Variants in AGPS observed in about 807,000 individuals in gnomAD.
AGPS encodes alkylglycerone phosphate synthase, also known as alkyldihydroxyacetonephosphate synthase, peroxisomal.
Under a neutral mutation model 90.7 loss-of-function variants are expected in AGPS, and 26 were observed. The observed-to-expected ratio is 0.29, with a 90% CI of 0.21 to 0.40. The LOEUF is 0.40. Among genes scored for constraint, AGPS ranks in the 10% least tolerant of loss-of-function variants. The probability of loss-of-function intolerance (pLI) is 1.00; values close to 1 mark genes in which losing one functional copy is unlikely to be tolerated. For synonymous variants in AGPS, 294 were observed against 285.3 expected, an observed-to-expected ratio of 1.03 and a Z score of -0.31; for missense variants, 540 against 816.1, an observed-to-expected ratio of 0.66 and a Z score of 4.12.
At chr2:177,508,407 G>C (rs1688771585) in intron 16 of AGPS, among the ~76,000 whole-genome samples, 1 of 152,106 alleles carries the variant, frequency 6.6e-6, no homozygotes, top group African/African-American at 2.4e-5. Context: ...CCAGTTAACT[G>C]TCCTTTATAA....
chr2:177,484,356 T>A (rs1206938615), intron 11 of AGPS, among the ~76,000 whole-genome samples: 1 of 152,072 alleles, frequency 6.6e-6, no homozygotes, highest in Non-Finnish European at 1.5e-5. Context: ...TTTTGTTTGT[T>A]TTTTTAAGAT....
chr2:177,434,268 A>G lies in AGPS; in HGVS notation c.351-59A>G. The G allele has an allele frequency of 3.1e-6, 4 of 1,274,518 alleles. No homozygotes were observed. The South Asian group carries it at 5.0e-5, about 16-fold the overall frequency. The allele number at this position is 1,274,518 out of a possible 1,614,324, so 79.0% of individuals were successfully genotyped here. The stretch of plus-strand genomic sequence containing the variant: ...TGACCATCACTGGAAGCAGAATTTA[A>G]GCTTTAAATTTAAATGAAGATACTT... On this transcript the variant is annotated intron_variant, in intron 2 of 19. Transcript: ENST00000264167.
intron 8 of AGPS, among the ~76,000 whole-genome samples, chr2:177,452,018 A>G (rs929777607): frequency 1.3e-5 from 2 of 151,976 alleles, no homozygotes; most frequent in African/African-American, 4.8e-5. Flanking sequence ...ATTGATTTCT[A>G]TATTAATTTT....
chr2:177,414,212 T>C (rs562194528), intron 1 of AGPS, among the ~76,000 whole-genome samples: 1 of 152,182 alleles, frequency 6.6e-6, no homozygotes, highest in South Asian at 2.1e-4. Flanking sequence ...AAGGTTTCTT[T>C]CTTTTCTTTT....
At chr2:177,436,933 T>A (rs767870333) in intron 4 of AGPS, 47 bp from the exon 5 acceptor site, 52 of 1,610,780 alleles carry the variant, frequency 3.2e-5, no homozygotes, top group South Asian at 2.3e-4. Context: ...AAAAATTCTA[T>A]ATTTTAAGCT....
intron 9 of AGPS, among the ~76,000 whole-genome samples, chr2:177,464,555 G>A (rs1687392937): frequency 6.6e-6 from 1 of 152,234 alleles, no homozygotes; most frequent in African/African-American, 2.4e-5. Flanking sequence ...TCAGAAGTCT[G>A]TGTACAATGG....
chr2:177,427,145 A>T (rs10930790), intron 2 of AGPS, among the ~76,000 whole-genome samples: 1 of 152,238 alleles, frequency 6.6e-6, no homozygotes, highest in Admixed American at 6.5e-5. Context: ...GTTCATGTGC[A>T]TAGAGATGTT....
Position 177,539,815 on chromosome 2 carries a change from A to G in AGPS, c.*1620A>G, listed in dbSNP as rs2079216373. 1 of 151,826 alleles carries G rather than the reference A, an allele frequency of 6.6e-6. No individual in the cohort carries two copies. The highest frequency in any genetic ancestry group is 6.6e-5 in the Admixed American group (1 of 15,208). The allele number at this position is 151,826 out of a possible 1,614,324, so 9.4% of individuals were successfully genotyped here. ...CAAAATGAAATATTTATTTTTTAGA[A>G]GCTGCCTCTCTTCATTGGTCATTTA... On this transcript the variant is annotated 3_prime_UTR_variant, in exon 20 of 20. Coordinates refer to ENST00000264167, the MANE Select transcript of AGPS (RefSeq NM_003659.4).
At chr2:177,514,633 A>G (rs1331820313) in intron 17 of AGPS, among the ~76,000 whole-genome samples, 1 of 152,104 alleles carries the variant, frequency 6.6e-6, no homozygotes, top group Admixed American at 6.6e-5. Context: ...TGCTAATTGT[A>G]TGTGTGTGTG....
At chr2:177,489,466 A>G (rs1688188715) in intron 11 of AGPS, among the ~76,000 whole-genome samples, 1 of 152,182 alleles carries the variant, frequency 6.6e-6, no homozygotes, top group Non-Finnish European at 1.5e-5. Flanking sequence ...AGTAAATAAG[A>G]CTAATCAGAA....
At chr2:177,455,903 C>A (rs1019998158) in intron 8 of AGPS, among the ~76,000 whole-genome samples, 2 of 152,088 alleles carry the variant, frequency 1.3e-5, no homozygotes, top group South Asian at 4.2e-4. Context: ...TTTGTTGTTT[C>A]AGTATTGAAT....
At chr2:177,499,797 AT>A in intron 14 of AGPS, 67 bp downstream of exon 14, 1 of 1,051,154 alleles carries the variant, frequency 9.5e-7, no homozygotes, top group Non-Finnish European at 1.5e-6. Flanking sequence ...TCACCAAGCA[AT>A]TATTAAAGTA....
chr2:177,434,382 C>T lies in AGPS; in HGVS notation c.406C>T (p.Leu136Phe). Residue 136 changes from leucine to phenylalanine, a missense_variant, in exon 3 of 20, where the codon CTT (leucine) becomes TTT (phenylalanine). By Grantham distance (22) the Leu-to-Phe change is conservative (BLOSUM62 0). Around this residue, in one of 2 missense-constraint regions of AGPS, gnomAD observed 405 missense variants for 692.1 expected, o/e 0.59. Coordinates refer to ENST00000264167, the MANE Select transcript of AGPS (RefSeq NM_003659.4). ...PTFKEWIQNT[L>F]GVNVEHKTTS... is the part of the protein sequence containing the mutation. ...ATTTAAAGAATGGATCCAAAATACCCTTGGAGTAAATGTGGAGCATAAAAC... is the reference window on the plus strand; with the variant it reads ...ATTTAAAGAATGGATCCAAAATACCTTTGGAGTAAATGTGGAGCATAAAAC... 6.2e-7 allele frequency: 1 copy of T among 1,612,940 alleles called. No homozygotes were observed. Among genetic ancestry groups the T allele is most frequent in the Non-Finnish European group, 8.5e-7 (1 of 1,179,324 alleles).
intron 14 of AGPS, among the ~76,000 whole-genome samples, chr2:177,503,602 T>G (rs922222010): frequency 6.6e-6 from 1 of 152,198 alleles, no homozygotes. Context: ...TGAATCTACA[T>G]GCAGTCATTT....
At chr2:177,447,679 A>G (rs1321770088) in intron 8 of AGPS, among the ~76,000 whole-genome samples, 3 of 151,934 alleles carry the variant, frequency 2.0e-5, no homozygotes, top group Admixed American at 6.6e-5. Flanking sequence ...TTCCCAGACT[A>G]GGAACTTCTG....
At chr2:177,420,418 T>G in intron 2 of AGPS, 60 bp downstream of exon 2, 2 of 1,233,892 alleles carry the variant, frequency 1.6e-6, no homozygotes, top group Non-Finnish European at 2.4e-6. Context: ...TATGAAAAAT[T>G]TTAAACACAC....
At chr2:177,393,237 G>T in intron 1 of AGPS, 188 bp downstream of exon 1, 2 of 985,378 alleles carry the variant, frequency 2.0e-6, no homozygotes, top group Non-Finnish European at 2.4e-6. Context: ...GGAAGGGGGC[G>T]GGATGGGATG....
intron 14 of AGPS, among the ~76,000 whole-genome samples, chr2:177,500,907 T>G (rs1421258712): frequency 6.6e-6 from 1 of 152,168 alleles, no homozygotes; most frequent in African/African-American, 2.4e-5. Flanking sequence ...TGTTTGAATT[T>G]TTGAAATGTA....
chr2:177,470,093 G>C (rs866744615), intron 10 of AGPS, among the ~76,000 whole-genome samples: 3 of 152,202 alleles, frequency 2.0e-5, no homozygotes, highest in Non-Finnish European at 2.9e-5. Flanking sequence ...GAAGACAGAA[G>C]AGGGGAGTTG....
Sources: allele counts gnomAD v4.1 joint callset (sites outside exome capture counted in the v4.1 genomes callset), GRCh38; gene constraint gnomAD v4.1.1; regional missense constraint gnomAD v4.1.1; transcripts MANE v1.5; gene names NCBI Gene and HGNC (gene_info 2026-07-23, HGNC 2026-07-21).